TCERG1: variants seen among roughly 807,000 people sequenced by gnomAD.
The protein encoded by TCERG1 is transcription elongation regulator 1.
TCERG1 carries 37 observed loss-of-function variants against 144.7 expected under a neutral mutation model. The ratio of observed to expected loss-of-function variants is 0.26; its 90% confidence interval spans 0.20 to 0.34. The LOEUF is 0.34. Among genes scored for constraint, TCERG1 ranks in the 10% least tolerant of loss-of-function variants. The pLI is 1.00. For synonymous variants in TCERG1, 492 were observed against 458.2 expected, an observed-to-expected ratio of 1.07 and a Z score of -0.94; for missense variants, 1,027 against 1,380.7, an observed-to-expected ratio of 0.74 and a Z score of 4.06.
chr5:146,479,392 G>A (rs893785058), intron 10 of TCERG1, among the ~76,000 whole-genome samples: 2 of 152,058 alleles, frequency 1.3e-5, no homozygotes, highest in Non-Finnish European at 2.9e-5. Context: ...TTCTGAGTCA[G>A]TGCCGCTTTG....
chr5:146,503,693 G>C (rs1460866106), intron 18 of TCERG1, 131 bp from the exon 19 acceptor site: 1 of 1,341,326 alleles, frequency 7.5e-7, no homozygotes, highest in Non-Finnish European at 1.0e-6. Context: ...GGAGATGAGA[G>C]GTACACAGTG....
At chr5:146,475,505 C>T (rs189728726) in intron 9 of TCERG1, among the ~76,000 whole-genome samples, 1 of 152,266 alleles carries the variant, frequency 6.6e-6, no homozygotes, top group East Asian at 1.9e-4. Flanking sequence ...GGACTGCTCC[C>T]AACAAGAATT....
In TCERG1 at chr5:146,507,203, C is replaced by G. The variant is rs910682747; in HGVS notation, c.2957C>G (p.Ser986Cys). ...TTTAGGCAACTTCTGGATGAAACTT[C>G]TGCAGTAAGAATCTCTTATTTTTCT... ...EHFRQLLDETSAITLTSTWKE... is the reference protein window; with the variant it reads ...EHFRQLLDETCAITLTSTWKE... The change falls in exon 20 of 23, where the codon TCT becomes TGT. Residue 986 changes from serine to cysteine, a missense_variant. Coordinates refer to ENST00000679501, the MANE Select transcript of TCERG1 (RefSeq NM_001382548.1). This position sits in a 1 kb window ranked among gnomAD's most constrained non-coding sequence, Gnocchi z 4.6. The G allele has an allele frequency of 6.3e-7, 1 of 1,580,828 alleles. No homozygotes were observed. The highest frequency in any genetic ancestry group is 1.4e-5 in the African/African-American group (1 of 72,916).
chr5:146,449,224 T>C (rs1762153687), intron 1 of TCERG1, among the ~76,000 whole-genome samples: 2 of 152,194 alleles, frequency 1.3e-5, no homozygotes, highest in South Asian at 4.1e-4. Context: ...AGATGTTCTG[T>C]AGTTATGTTG....
chr5:146,479,772 A>G lies in TCERG1; in HGVS notation c.1763-83A>G, dbSNP rs1765173943. The G allele has an allele frequency of 3.7e-6, 5 of 1,344,342 alleles. No individual in the cohort carries two copies. The South Asian group carries it at 6.2e-5, about 17-fold the overall frequency. 83.3% of individuals were successfully genotyped at this position (1,344,342 alleles called of 1,614,324 possible). ...ATGAATATTAAGAGGTGAATATATTATGTAAACAGTAATTTTTAAAAAGAA... is the reference window on the plus strand; with the variant it reads ...ATGAATATTAAGAGGTGAATATATTGTGTAAACAGTAATTTTTAAAAAGAA... On this transcript the variant is annotated intron_variant, in intron 10 of 22. Coordinates refer to ENST00000679501, the MANE Select transcript of TCERG1 (RefSeq NM_001382548.1).
In TCERG1 at chr5:146,478,647, A is replaced by C; in HGVS notation, c.1756A>C (p.Lys586Gln). ...TAAAAAAGGAATGGAGGAATTGAAG[A>C]AACTAAGTAAGTTTTAAATTAGGAA... ...PHKKGMEELK[K>Q]LRHPTPTMLS... The change falls in exon 10 of 23, where the codon AAA becomes CAA. Residue 586 changes from lysine to glutamine, a missense_variant. Lys to Gln is a moderately conservative substitution (Grantham distance 53). Around this residue, in one of 6 missense-constraint regions of TCERG1, gnomAD observed 482 missense variants for 632.6 expected, o/e 0.76. Coordinates refer to ENST00000679501, the MANE Select transcript of TCERG1 (RefSeq NM_001382548.1). 3 of 1,578,606 alleles carry C rather than the reference A, an allele frequency of 1.9e-6. No individual in the cohort carries two copies. The highest frequency in any genetic ancestry group is 1.7e-6 in the Non-Finnish European group (2 of 1,169,144).
intron 17 of TCERG1, chr5:146,503,171 T>C (rs1767638522): frequency 2.8e-6 from 1 of 358,714 alleles, no homozygotes; most frequent in Non-Finnish European, 5.0e-6. Flanking sequence ...AAAGCCTATA[T>C]GCTTGTCGAT....
chr5:146,460,831 G>A (rs1016038330), intron 4 of TCERG1, among the ~76,000 whole-genome samples: 1 of 152,142 alleles, frequency 6.6e-6, no homozygotes, highest in Non-Finnish European at 1.5e-5. Context: ...TGATATGAAA[G>A]TATAACAGTC....
At chr5:146,466,405 AG>A (rs201080921) in intron 5 of TCERG1, among the ~76,000 whole-genome samples, 3,554 of 152,246 alleles carry the variant, frequency 0.023, 63 homozygotes, top group African/African-American at 0.04. Context: ...ATACAAGAGT[AG>A]GGGGTGGAGT....
At chr5:146,475,310 G>A (rs1013912891) in intron 9 of TCERG1, among the ~76,000 whole-genome samples, 1 of 152,114 alleles carries the variant, frequency 6.6e-6, no homozygotes, top group Non-Finnish European at 1.5e-5. Context: ...AATCTTTTTG[G>A]CAAGCCTAGT....
chr5:146,506,771 G>C (rs1768040317), intron 19 of TCERG1, among the ~76,000 whole-genome samples: 2 of 152,104 alleles, frequency 1.3e-5, no homozygotes, highest in Non-Finnish European at 2.9e-5. Flanking sequence ...GTGTTTCTGT[G>C]CTTGACTTAT....
chr5:146,456,798 C>T (rs1200774495), intron 2 of TCERG1, among the ~76,000 whole-genome samples: 1 of 152,138 alleles, frequency 6.6e-6, no homozygotes, highest in African/African-American at 2.4e-5. Flanking sequence ...TTTTTATGCA[C>T]AGTGAAAACT....
At chr5:146,490,976 T>C (rs1766353585) in intron 15 of TCERG1, among the ~76,000 whole-genome samples, 2 of 152,220 alleles carry the variant, frequency 1.3e-5, no homozygotes, top group East Asian at 3.9e-4. Context: ...TTATCTTAGC[T>C]CTGTGAGGTT....
intron 17 of TCERG1, 30 bp downstream of exon 17, chr5:146,498,716 T>C (rs1767158573): frequency 6.3e-7 from 1 of 1,588,078 alleles, no homozygotes; most frequent in Non-Finnish European, 8.5e-7. Flanking sequence ...AGTGGTGTGA[T>C]TGATGGGAGT....
At chr5:146,463,434 T>TG in intron 4 of TCERG1, 117 bp from the exon 5 acceptor site, 1 of 1,422,270 alleles carries the variant, frequency 7.0e-7, no homozygotes, top group South Asian at 1.4e-5. Flanking sequence ...ACAAATTTCT[T>TG]GCAGTGCATA....
intron 15 of TCERG1, among the ~76,000 whole-genome samples, chr5:146,486,659 G>A (rs1765862575): frequency 6.6e-6 from 1 of 152,128 alleles, no homozygotes; most frequent in Admixed American, 6.5e-5. Flanking sequence ...AGAGCAATTA[G>A]GCAAGAGAAA....
At chr5:146,457,412 C>A in intron 3 of TCERG1, 77 bp downstream of exon 3, 1 of 1,357,064 alleles carries the variant, frequency 7.4e-7, no homozygotes, top group Non-Finnish European at 9.9e-7. Context: ...AGATTGAGGT[C>A]AGTGATACTG....
chr5:146,479,764 A>G lies in TCERG1; in HGVS notation c.1763-91A>G, dbSNP rs906492522. On this transcript the variant is annotated intron_variant, in intron 10 of 22. Coordinates refer to ENST00000679501, the MANE Select transcript of TCERG1 (RefSeq NM_001382548.1). The stretch of plus-strand genomic sequence containing the variant: ...ATAAAGGGATGAATATTAAGAGGTG[A>G]ATATATTATGTAAACAGTAATTTTT... 3 of 1,243,468 alleles carry G rather than the reference A, an allele frequency of 2.4e-6. No homozygotes were observed. In the Admixed American group the frequency reaches 5.7e-5, roughly 24 times the overall value. The allele number at this position is 1,243,468 out of a possible 1,614,324, so 77.0% of individuals were successfully genotyped here.
intron 16 of TCERG1, among the ~76,000 whole-genome samples, chr5:146,496,858 CCTCA>C (rs1212982958): frequency 7.0e-6 from 1 of 143,782 alleles, no homozygotes; most frequent in Non-Finnish European, 1.5e-5. Context: ...AGGGACAGAG[CCTCA>C]CTATGTGTTT....
Sources: gnomAD v4.1 joint callset for allele counts (sites outside exome capture counted in the v4.1 genomes callset) on GRCh38, gnomAD v4.1.1 for gene constraint, gnomAD v4.1.1 regional missense constraint, Gnocchi (gnomAD v3.1) non-coding constraint, MANE v1.5 for transcripts, NCBI Gene and HGNC (gene_info 2026-07-23, HGNC 2026-07-21) for gene names.